ZNF229: variants seen among roughly 807,000 people sequenced by gnomAD.
The protein encoded by ZNF229 is zinc finger protein 229.
In ZNF229, 10 loss-of-function variants were observed where a neutral mutation model predicts 11.8. That is an observed-to-expected ratio of 0.85 (90% CI 0.52 to 1.44). The LOEUF (loss-of-function observed/expected upper bound fraction) is 1.44, where lower values mean the gene tolerates loss of function less well. ZNF229 is among the 40% of genes most tolerant of loss of function. ZNF229 has a pLI of 0.00. For missense variants in ZNF229, 1,045 were observed against 1,015.1 expected (o/e 1.03, Z -0.40); for synonymous variants, 368 against 374.8 (o/e 0.98, Z 0.21).
chr19:44,443,031 G>T lies in ZNF229; in HGVS notation c.-177-7C>A. The T allele has an allele frequency of 1.5e-6, 1 of 657,578 alleles. No individual in the cohort carries two copies. Among genetic ancestry groups the T allele is most frequent in the Non-Finnish European group, 2.6e-6 (1 of 384,050 alleles). 40.7% of individuals were successfully genotyped at this position (657,578 alleles called of 1,614,324 possible). A position where few individuals can be genotyped will look rare whatever the true frequency, so the allele number is the denominator to read the frequency against. On this transcript the variant is annotated splice_polypyrimidine_tract_variant and splice_region_variant and intron_variant, in intron 2 of 5. Coordinates refer to ENST00000614049, the MANE Select transcript of ZNF229 (RefSeq NM_014518.4). Reference sequence around the variant, plus strand: ...CTTCCCATGGTCAGGGGACCTGTAGGTTCGGGAGGGAACTTTACTTAGTCC... The same window carrying T: ...CTTCCCATGGTCAGGGGACCTGTAGTTTCGGGAGGGAACTTTACTTAGTCC...
chr19:44,435,552 G>A (rs928615439), intron 4 of ZNF229, among the ~76,000 whole-genome samples: 2 of 151,258 alleles, frequency 1.3e-5, no homozygotes, highest in African/African-American at 2.4e-5. Context: ...GCGGAGACTC[G>A]GTGCCCAGGG....
rs375732625 is a variant in ZNF229 at position 44,428,682 on chromosome 19, C to T, written c.2099G>A (p.Arg700His). Residue 700 changes from arginine to histidine, a missense_variant, in exon 6 of 6, where the codon CGC (arginine) becomes CAC (histidine). By Grantham distance (29) the Arg-to-His change is conservative. Transcript: ENST00000614049. ...GKGFSYGSNL[R>H]THQRLHTGEK... The stretch of plus-strand genomic sequence containing the variant: ...TCCTGTGTGCAACCTCTGGTGGGTG[C>T]GAAGATTAGAGCCATAACTGAATCC... 44 of 1,611,424 alleles carry T rather than the reference C, an allele frequency of 2.7e-5. 1 individual carries two copies. Among genetic ancestry groups the T allele is most frequent in the Admixed American group, 1.7e-4 (10 of 59,814 alleles).
intron 4 of ZNF229, among the ~76,000 whole-genome samples, chr19:44,435,068 A>G (rs1457137342): frequency 3.3e-5 from 5 of 152,148 alleles, no homozygotes; most frequent in East Asian, 1.9e-4. Flanking sequence ...GGCCTCCCCA[A>G]CCATGCGGAA....
intron 3 of ZNF229, 61 bp from the exon 4 acceptor site, chr19:44,442,682 T>C (rs1971934407): frequency 1.3e-5 from 21 of 1,606,592 alleles, no homozygotes; most frequent in Non-Finnish European, 1.8e-5. Context: ...CTAGATCATC[T>C]ACCTGGTAGG....
In ZNF229 at chr19:44,442,543, G is replaced by A. The variant is rs1482673407; in HGVS notation, c.93+20C>T. 3 of 1,613,400 alleles carry A rather than the reference G, an allele frequency of 1.9e-6. No individual in the cohort carries two copies. The South Asian group carries it at 3.3e-5, about 18-fold the overall frequency. On this transcript the variant is annotated intron_variant, in intron 4 of 5. Transcript: ENST00000614049. ...TGATGCCTAAGGTGGTATTTCGGGA[G>A]AGAAAAGAAAACAACCCACCTGAGA... is the stretch of plus-strand genomic sequence containing the variant.
At position 44,432,346 on chromosome 19, in the gene ZNF229, G is replaced by A. The variant is rs759303684; in HGVS notation, c.114C>T (p.Asp38=). The part of the protein sequence containing the change: ...IMSQEPLSFK[D]VAVVFTEEEL... Reference sequence around the variant, plus strand: ...CCTCCTCAGTGAAGACCACAGCCACGTCCTTGAAGCTCAATGGCTCCTAAA... The same window carrying A: ...CCTCCTCAGTGAAGACCACAGCCACATCCTTGAAGCTCAATGGCTCCTAAA... The change falls in exon 5 of 6, where the codon GAC becomes GAT. Residue 38 remains aspartate, a synonymous_variant. Transcript: ENST00000614049. 50 of 1,613,110 alleles carry A rather than the reference G, an allele frequency of 3.1e-5. 1 individual carries two copies. The Admixed American group carries it at 6.0e-4, about 19-fold the overall frequency.
At position 44,429,582 on chromosome 19, in the gene ZNF229, G is replaced by C. The variant is rs778987213; in HGVS notation, c.1199C>G (p.Thr400Ser). 6.2e-7 allele frequency: 1 copy of C among 1,614,102 alleles called. No homozygotes were observed. The highest frequency in any genetic ancestry group is 8.5e-7 in the Non-Finnish European group (1 of 1,180,044). Residue 400 changes from threonine (T) to serine (S), a missense_variant, in exon 6 of 6, where the codon ACT becomes AGT. Thr to Ser is a moderately conservative substitution (Grantham distance 58, BLOSUM62 1). Transcript: ENST00000614049. ...GCTGCATTTATATGGTTTCTCTCCAGTGTGGACCCTCTGATGGACAAGCAG... is the reference window on the plus strand; with the variant it reads ...GCTGCATTTATATGGTTTCTCTCCACTGTGGACCCTCTGATGGACAAGCAG... Reference protein sequence around the residue: ...SNLLVHQRVHTGEKPYKCSEC... With the variant: ...SNLLVHQRVHSGEKPYKCSEC...
Position 44,428,912 on chromosome 19 carries a change from A to G in ZNF229, c.1869T>C (p.Thr623=). 2 of 1,609,374 alleles carry G rather than the reference A, an allele frequency of 1.2e-6. No individual in the cohort carries two copies. Among genetic ancestry groups the G allele is most frequent in the Non-Finnish European group, 1.7e-6 (2 of 1,178,732 alleles). ...CAGCACATTTATAGGGTTTCTCTCC[A>G]GTGTGGACCCTCTGATGGATAAGGA... ...SDLLIHQRVH[T]GEKPYKCAEC... The change falls in exon 6 of 6, where the codon ACT becomes ACC. Residue 623 remains threonine, a synonymous_variant. Transcript: ENST00000614049.
chr19:44,427,824 AAATGTT>A lies in ZNF229; in HGVS notation c.*473_*478del, dbSNP rs1971606678. On this transcript the variant is annotated 3_prime_UTR_variant, in exon 6 of 6. Transcript: ENST00000614049. ...TCTTCTCAGAGTGACTTGTTTCAAT[AAATGTT>A]AATGTTATCTTTTTGTTTTTATAAA... is the stretch of plus-strand genomic sequence containing the variant. 6.5e-6 allele frequency: 1 copy of A among 154,530 alleles called. No individual in the cohort carries two copies. The highest frequency in any genetic ancestry group is 2.4e-5 in the African/African-American group (1 of 41,446). 9.6% of individuals were successfully genotyped at this position (154,530 alleles called of 1,614,324 possible). A position where few individuals can be genotyped will look rare whatever the true frequency, so the allele number is the denominator to read the frequency against.
chr19:44,448,041 G>C (rs1360252080), intron 1 of ZNF229, among the ~76,000 whole-genome samples: 1 of 152,174 alleles, frequency 6.6e-6, no homozygotes, highest in African/African-American at 2.4e-5. Context: ...TTAGAACACA[G>C]GGAATCAACT....
intron 4 of ZNF229, among the ~76,000 whole-genome samples, chr19:44,438,630 A>C (rs1431395167): frequency 1.3e-5 from 2 of 152,172 alleles, no homozygotes; most frequent in Non-Finnish European, 2.9e-5. Context: ...GCTTACTGGA[A>C]AGAACAAGGA....
chr19:44,428,194 A>C lies in ZNF229; in HGVS notation c.*109T>G, dbSNP rs1017645390. 11 of 1,230,200 alleles carry C rather than the reference A, an allele frequency of 8.9e-6. No individual in the cohort carries two copies. In the African/African-American group the frequency reaches 1.7e-4, roughly 19 times the overall value. The allele number at this position is 1,230,200 out of a possible 1,614,324, so 76.2% of individuals were successfully genotyped here. On this transcript the variant is annotated 3_prime_UTR_variant, in exon 6 of 6. Coordinates refer to ENST00000614049, the MANE Select transcript of ZNF229 (RefSeq NM_014518.4). ...GCAGACTAGAAAATGTAAAATCATC[A>C]GTTTCTCCTATAGCCCTCCTACATG...
Position 44,427,239 on chromosome 19 carries a change from C to CT in ZNF229, c.*1063_*1064insA. 1 of 20,086 alleles carries CT rather than the reference C, an allele frequency of 5.0e-5. No individual in the cohort carries two copies. The highest frequency in any genetic ancestry group is 1.4e-4 in the African/African-American group (1 of 7,350). 1.2% of individuals were successfully genotyped at this position (20,086 alleles called of 1,614,324 possible). On this transcript the variant is annotated 3_prime_UTR_variant, in exon 6 of 6. Coordinates refer to ENST00000614049, the MANE Select transcript of ZNF229 (RefSeq NM_014518.4). Reference sequence around the variant, plus strand: ...AAACCATATCAGACTGTTTCTACAACCCCCCCCCCCGCCCCCACTGATGGG... The same window carrying CT: ...AAACCATATCAGACTGTTTCTACAACTCCCCCCCCCCGCCCCCACTGATGGG...
intron 2 of ZNF229, among the ~76,000 whole-genome samples, chr19:44,446,802 T>C (rs1375864480): frequency 1.3e-5 from 2 of 152,218 alleles, no homozygotes; most frequent in East Asian, 3.8e-4. Flanking sequence ...AAAAGGGCTA[T>C]GAAGAAAATA....
Position 44,430,227 on chromosome 19 carries a change from T to G in ZNF229, c.554A>C (p.Gln185Pro). ...AWRAIRPIPI[Q>P]GSWAKAFVNQ... is the part of the protein sequence containing the mutation. ...CACAAACGCTTTTGCCCAAGATCCT[T>G]GAATGGGGATTGGTCTTATAGCTCT... Residue 185 changes from glutamine (Q) to proline (P), a missense_variant, in exon 6 of 6, where the codon CAA becomes CCA. Gln to Pro is a moderately conservative substitution (Grantham distance 76). Transcript: ENST00000614049. 1 of 1,614,130 alleles carries G rather than the reference T, an allele frequency of 6.2e-7. No homozygotes were observed. The highest frequency in any genetic ancestry group is 8.5e-7 in the Non-Finnish European group (1 of 1,180,024).
chr19:44,431,283 C>T (rs576367537), intron 5 of ZNF229, among the ~76,000 whole-genome samples: 1 of 152,262 alleles, frequency 6.6e-6, no homozygotes, highest in South Asian at 2.1e-4. Flanking sequence ...TCCCAGGCTG[C>T]AAAGGATCAA....
In ZNF229 at chr19:44,430,223, T is replaced by A; in HGVS notation, c.558A>T (p.Gly186=). The A allele has an allele frequency of 6.2e-7, 1 of 1,614,080 alleles. No individual in the cohort carries two copies. The highest frequency in any genetic ancestry group is 8.5e-7 in the Non-Finnish European group (1 of 1,180,034). Residue 186 remains glycine (G), a synonymous_variant, in exon 6 of 6, where the codon GGA becomes GGT. Transcript: ENST00000614049. ...GGTTCACAAACGCTTTTGCCCAAGATCCTTGAATGGGGATTGGTCTTATAG... is the reference window on the plus strand; with the variant it reads ...GGTTCACAAACGCTTTTGCCCAAGAACCTTGAATGGGGATTGGTCTTATAG... The part of the protein sequence containing the change: ...WRAIRPIPIQ[G]SWAKAFVNQL...
chr19:44,443,004 T>A lies in ZNF229; in HGVS notation c.-157A>T. ...CCACCTTTACTGTCCAGAGCGCGAC[T>A]GCTTCCCATGGTCAGGGGACCTGTA... is the stretch of plus-strand genomic sequence containing the variant. On this transcript the variant is annotated 5_prime_UTR_variant, in exon 3 of 6. Coordinates refer to ENST00000614049, the MANE Select transcript of ZNF229 (RefSeq NM_014518.4). 1.3e-6 allele frequency: 1 copy of A among 776,490 alleles called. No individual in the cohort carries two copies. The highest frequency in any genetic ancestry group is 2.1e-6 in the Non-Finnish European group (1 of 480,050). The allele number at this position is 776,490 out of a possible 1,614,324, so 48.1% of individuals were successfully genotyped here.
At chr19:44,435,848 G>T (rs1971803625) in intron 4 of ZNF229, among the ~76,000 whole-genome samples, 1 of 152,212 alleles carries the variant, frequency 6.6e-6, no homozygotes, top group Admixed American at 6.5e-5. Flanking sequence ...GTGGTAAGAA[G>T]CACGGCACAT....
Sources: allele counts gnomAD v4.1 joint callset (sites outside exome capture counted in the v4.1 genomes callset), GRCh38; gene constraint gnomAD v4.1.1; transcripts MANE v1.5; gene names NCBI Gene and HGNC (gene_info 2026-07-23, HGNC 2026-07-21).